ANKRD24: variants seen among roughly 807,000 people sequenced by gnomAD.
The protein encoded by ANKRD24 is ankyrin repeat domain-containing protein 24.
In ANKRD24, 109 loss-of-function variants were observed where a neutral mutation model predicts 127.8. That is an observed-to-expected ratio of 0.85 (90% CI 0.73 to 1.00). The LOEUF is 1.00. Among genes scored for constraint, ANKRD24 ranks in the 50% least tolerant of loss-of-function variants. The pLI is 0.00. For missense variants in ANKRD24, 1,648 were observed against 1,570.2 expected, an observed-to-expected ratio of 1.05 and a Z score of -0.84; for synonymous variants, 743 against 671.1, an observed-to-expected ratio of 1.11 and a Z score of -1.66.
chr19:4,210,178 C>T, intron 12 of ANKRD24, 40 bp downstream of exon 12: 1 of 1,577,958 alleles, frequency 6.3e-7, no homozygotes, highest in Non-Finnish European at 8.6e-7. Context: ...CATGGGGAGC[C>T]CCCAGGCACG....
chr19:4,198,593 T>G lies in ANKRD24; in HGVS notation c.37-1090T>G. On this transcript the variant is annotated intron_variant, in intron 2 of 21. Transcript: ENST00000318934. The surrounding 1 kb of genome is among the most constrained non-coding windows in gnomAD (Gnocchi z 6.1). ...GCGCGGGTACCTCCTCTCCCCTCCCTTCCCCGTCCCCGGCTGACCTGGACC... is the reference window on the plus strand; with the variant it reads ...GCGCGGGTACCTCCTCTCCCCTCCCGTCCCCGTCCCCGGCTGACCTGGACC... 4 of 441,510 alleles carry G rather than the reference T, an allele frequency of 9.1e-6. No homozygotes were observed. Among genetic ancestry groups the G allele is most frequent in the East Asian group, 3.6e-5 (1 of 27,910 alleles). The allele number at this position is 441,510 out of a possible 1,614,324, so 27.3% of individuals were successfully genotyped here.
At position 4,223,494 on chromosome 19, in the gene ANKRD24, G is replaced by A. The variant is rs1201731821; in HGVS notation, c.3298-633G>A. Among the ~76,000 whole-genome samples the A allele has an allele frequency of 4.8e-5, 7 of 146,652 alleles. No individual in the cohort carries two copies. In the East Asian group the frequency reaches 1.0e-3, roughly 21 times the overall value. ...TGGCTCACTGCAACCTCTGCCTCCC[G>A]GCTCCCGGGTTCAAGTGATTCTCCT... On this transcript the variant is annotated intron_variant, in intron 20 of 21. Transcript: ENST00000318934.
At chr19:4,212,908 G>A (rs1012580136) in intron 15 of ANKRD24, among the ~76,000 whole-genome samples, 7 of 152,306 alleles carry the variant, frequency 4.6e-5, no homozygotes, top group South Asian at 2.1e-4. Flanking sequence ...CGAGGCGGGC[G>A]GATCACGAGG....
intron 20 of ANKRD24, among the ~76,000 whole-genome samples, chr19:4,223,397 A>ATTT (rs1446284593): frequency 1.6e-4 from 9 of 54,828 alleles, no homozygotes; most frequent in African/African-American, 6.2e-4. Flanking sequence ...ATATATATAT[A>ATTT]TATATTTTTT....
intron 2 of ANKRD24, among the ~76,000 whole-genome samples, chr19:4,190,542 T>A (rs1968328158): frequency 6.7e-6 from 1 of 150,320 alleles, no homozygotes; most frequent in Admixed American, 6.7e-5. Flanking sequence ...CTGGCCAACA[T>A]GGTGAAACCC....
At chr19:4,183,526 A>G (rs1488603124) in intron 1 of ANKRD24, 1 of 217,322 alleles carries the variant, frequency 4.6e-6, no homozygotes. Flanking sequence ...TGCAGAGGGC[A>G]CAGGGCAGTG....
intron 2 of ANKRD24, among the ~76,000 whole-genome samples, chr19:4,192,806 G>A (rs1226556001): frequency 1.3e-5 from 2 of 151,520 alleles, no homozygotes; most frequent in Admixed American, 1.3e-4. Context: ...GGTGGTGTGT[G>A]CCTGTGGTCT....
At position 4,212,807 on chromosome 19, in the gene ANKRD24, C is replaced by T; in HGVS notation, c.1197+109C>T. On this transcript the variant is annotated intron_variant, in intron 15 of 21. Coordinates refer to ENST00000318934, the MANE Select transcript of ANKRD24 (RefSeq NM_001393985.1). ...GTGCATGCACAGCCTCACACACGTGCAAACACACGCACCAGACACATGCAC... is the reference window on the plus strand; with the variant it reads ...GTGCATGCACAGCCTCACACACGTGTAAACACACGCACCAGACACATGCAC... 11 of 1,026,032 alleles carry T rather than the reference C, an allele frequency of 1.1e-5. No homozygotes were observed. The South Asian group carries it at 1.8e-4, about 17-fold the overall frequency. 63.6% of individuals were successfully genotyped at this position (1,026,032 alleles called of 1,614,324 possible).
rs946812459 is a variant in ANKRD24, at chr19:4,195,051, C to T, written c.37-4632C>T. 1.7e-5 allele frequency among the ~76,000 whole-genome samples: 2 copies of T among 121,148 alleles called. No homozygotes were observed. The highest frequency in any genetic ancestry group is 6.0e-5 in the African/African-American group (2 of 33,548). The allele number at this position is 121,148 out of a possible 152,430, so 79.5% of individuals were successfully genotyped here. A position where few individuals can be genotyped will look rare whatever the true frequency, so the allele number is the denominator to read the frequency against. On this transcript the variant is annotated intron_variant, in intron 2 of 21. Transcript: ENST00000318934. This position sits in a 1 kb window ranked among gnomAD's most constrained non-coding sequence, Gnocchi z 4.2. ...GGTGCGATCTCGGCGTGAGCCACCG[C>T]GCCCAGGTTTTTGTTTGTTTGTTTG...
In ANKRD24 at chr19:4,198,275, G is replaced by A; in HGVS notation, c.37-1408G>A. ...CCCCCAGCCCCCAGCCCCCTACCTGGGTCTTCCCATTCCATCCCGTGGGGG... is the reference window on the plus strand; with the variant it reads ...CCCCCAGCCCCCAGCCCCCTACCTGAGTCTTCCCATTCCATCCCGTGGGGG... On this transcript the variant is annotated intron_variant, in intron 2 of 21. Coordinates refer to ENST00000318934, the MANE Select transcript of ANKRD24 (RefSeq NM_001393985.1). The surrounding 1 kb of genome is among the most constrained non-coding windows in gnomAD (Gnocchi z 6.1). The A allele has an allele frequency of 4.5e-6, 2 of 448,678 alleles. No individual in the cohort carries two copies. Among genetic ancestry groups the A allele is most frequent in the East Asian group, 7.1e-5 (2 of 28,232 alleles). 27.8% of individuals were successfully genotyped at this position (448,678 alleles called of 1,614,324 possible).
chr19:4,216,390 G>A lies in ANKRD24; in HGVS notation c.1377G>A (p.Met459Ile), dbSNP rs148030082. 177 of 1,569,806 alleles carry A rather than the reference G, an allele frequency of 1.1e-4. No individual in the cohort carries two copies. The African/African-American group carries it at 2.0e-3, about 18-fold the overall frequency. Residue 459 changes from methionine (M) to isoleucine (I), a missense_variant, in exon 17 of 22, where the codon ATG (methionine) becomes ATA (isoleucine). By Grantham distance (10) the Met-to-Ile change is conservative. Transcript: ENST00000318934. ...AVLTRQNQEL[M>I]EKVQILENFE... The stretch of plus-strand genomic sequence containing the variant: ...TCACCAGACAGAACCAGGAACTGAT[G>A]GAGAAGGTCCAGGTAGGGAAAGTGA...
chr19:4,216,185 T>C, intron 16 of ANKRD24, 99 bp from the exon 17 acceptor site: 1 of 1,409,416 alleles, frequency 7.1e-7, no homozygotes, highest in East Asian at 2.5e-5. Context: ...TCTGCTTGGC[T>C]GAGCCTGCCC....
chr19:4,213,733 T>C (rs1969902570), intron 15 of ANKRD24, among the ~76,000 whole-genome samples: 1 of 152,030 alleles, frequency 6.6e-6, no homozygotes, highest in African/African-American at 2.4e-5. Context: ...CTGGTTCAAG[T>C]GATACTCCTG....
At chr19:4,212,764 G>A (rs1245580110) in intron 15 of ANKRD24, 66 bp downstream of exon 15, 6 of 1,415,292 alleles carry the variant, frequency 4.2e-6, no homozygotes, top group South Asian at 2.6e-5. Context: ...CTACAGCAGC[G>A]ACAAGACAGT....
chr19:4,216,272 G>C lies in ANKRD24; in HGVS notation c.1271-12G>C, dbSNP rs12459920. The C allele has an allele frequency of 6.4e-6, 10 of 1,551,100 alleles. No individual in the cohort carries two copies. In the East Asian group the frequency reaches 2.4e-4, roughly 38 times the overall value. ...CCAGGTCCCCAGGGCCTGACTCTGC[G>C]TCCCCCTCCAGGGGCCGAGGTGCTG... is the stretch of plus-strand genomic sequence containing the variant. On this transcript the variant is annotated splice_polypyrimidine_tract_variant and intron_variant, in intron 16 of 21. Transcript: ENST00000318934.
intron 7 of ANKRD24, 21 bp downstream of exon 7, chr19:4,202,947 C>CA: frequency 6.5e-7 from 1 of 1,541,222 alleles, no homozygotes; most frequent in Non-Finnish European, 8.8e-7. Flanking sequence ...CCCAGCCCTG[C>CA]CCTGACCCCG....
In ANKRD24 at chr19:4,199,774, G is replaced by A. The variant is rs1269135759; in HGVS notation, c.123+5G>A. On this transcript the variant is annotated splice_donor_5th_base_variant and intron_variant, in intron 3 of 21. Coordinates refer to ENST00000318934, the MANE Select transcript of ANKRD24 (RefSeq NM_001393985.1). The surrounding 1 kb of genome is among the most constrained non-coding windows in gnomAD (Gnocchi z 5.2). Reference sequence around the variant, plus strand: ...GCAGCCAGAGGCAGGCGCCAGGCAAGTGCCCAGGGGCAGGTGGTGAGAGCC... The same window carrying A: ...GCAGCCAGAGGCAGGCGCCAGGCAAATGCCCAGGGGCAGGTGGTGAGAGCC... 1.3e-6 allele frequency: 2 copies of A among 1,536,056 alleles called. No individual in the cohort carries two copies. Among genetic ancestry groups the A allele is most frequent in the African/African-American group, 2.7e-5 (2 of 72,970 alleles).
At chr19:4,206,938 C>G (rs1163355893) in intron 7 of ANKRD24, among the ~76,000 whole-genome samples, 2 of 152,122 alleles carry the variant, frequency 1.3e-5, no homozygotes, top group African/African-American at 4.8e-5. Flanking sequence ...CAAGATCTCA[C>G]TCTGTCACCC....
Position 4,224,698 on chromosome 19 carries a change from A to C in ANKRD24, c.*193A>C. 1 of 619,540 alleles carries C rather than the reference A, an allele frequency of 1.6e-6. No individual in the cohort carries two copies. Among genetic ancestry groups the C allele is most frequent in the East Asian group, 2.8e-5 (1 of 36,100 alleles). The allele number at this position is 619,540 out of a possible 1,614,324, so 38.4% of individuals were successfully genotyped here. ...CCCCACCTGGTCTCTGCACGCACAC[A>C]CTGGTCAGTCTGGACCCGGGCCGTG... On this transcript the variant is annotated 3_prime_UTR_variant, in exon 22 of 22. Coordinates refer to ENST00000318934, the MANE Select transcript of ANKRD24 (RefSeq NM_001393985.1).
Sources: gnomAD v4.1 joint callset for allele counts (sites outside exome capture counted in the v4.1 genomes callset) on GRCh38, gnomAD v4.1.1 for gene constraint, Gnocchi (gnomAD v3.1) non-coding constraint, MANE v1.5 for transcripts, NCBI Gene and HGNC (gene_info 2026-07-23, HGNC 2026-07-21) for gene names.